The following MBD5 variants were observed in gnomAD, a reference collection of about 807,000 sequenced individuals.
MBD5 encodes the protein methyl-CpG-binding domain protein 5.
A neutral mutation model predicts 117.3 loss-of-function variants in MBD5; 13 were observed. The ratio of observed to expected loss-of-function variants is 0.11; its 90% confidence interval spans 0.07 to 0.18. The LOEUF (loss-of-function observed/expected upper bound fraction) is 0.18, where lower values mean the gene tolerates loss of function less well. MBD5 is among the 10% of genes least tolerant of loss of function. The probability of loss-of-function intolerance (pLI) is 1.00; values close to 1 mark genes in which losing one functional copy is unlikely to be tolerated. For synonymous variants in MBD5, 727 were observed against 766.4 expected (o/e 0.95, Z 0.85); for missense variants, 1,879 against 2,093.8 (o/e 0.90, Z 2.00).
chr2:148,338,297 G>T (rs1260720742), intron 3 of MBD5, among the ~76,000 whole-genome samples: 1 of 151,820 alleles, frequency 6.6e-6, no homozygotes, highest in Non-Finnish European at 1.5e-5. Context: ...TCCAGTCAAG[G>T]TTCATACATT....
rs140079179 is a variant in MBD5, at chr2:148,066,890, G to T, written c.-925+45206G>T. 1.2e-4 allele frequency among the ~76,000 whole-genome samples: 18 copies of T among 152,274 alleles called. No individual in the cohort carries two copies. The East Asian group carries it at 1.7e-3, about 15-fold the overall frequency. ...ACTTAAGACTTGGCCTAGACATCCT[G>T]TCAGAAAGACTTCTTTTCTCATTCT... On this transcript the variant is annotated intron_variant, in intron 1 of 13. Transcript: ENST00000642680.
chr2:148,282,464 T>G (rs1464552906), intron 3 of MBD5, among the ~76,000 whole-genome samples: 1 of 152,022 alleles, frequency 6.6e-6, no homozygotes, highest in Non-Finnish European at 1.5e-5. Context: ...TCATCTGTAT[T>G]TATGACATGT....
At chr2:148,254,417 G>A (rs576819337) in intron 3 of MBD5, among the ~76,000 whole-genome samples, 1 of 152,284 alleles carries the variant, frequency 6.6e-6, no homozygotes, top group South Asian at 2.1e-4. Flanking sequence ...AACCTGAGTG[G>A]TGTGCTGTGC....
chr2:148,134,290 A>G (rs1330680527), intron 1 of MBD5, among the ~76,000 whole-genome samples: 1 of 152,200 alleles, frequency 6.6e-6, no homozygotes, highest in South Asian at 2.1e-4. Flanking sequence ...AAACACCCAT[A>G]TATACATATA....
chr2:148,378,476 A>AT, intron 4 of MBD5, among the ~76,000 whole-genome samples: 2 of 152,012 alleles, frequency 1.3e-5, no homozygotes, highest in Middle Eastern at 6.8e-3. Context: ...GCATGATTAA[A>AT]TTTTTTCCTC....
chr2:148,181,160 T>A (rs1225061595), intron 2 of MBD5, among the ~76,000 whole-genome samples: 1 of 152,210 alleles, frequency 6.6e-6, no homozygotes, highest in Non-Finnish European at 1.5e-5. Flanking sequence ...TCCTTACTAT[T>A]TTATTTCATA....
chr2:148,418,615 C>G (rs1705499752), intron 4 of MBD5, among the ~76,000 whole-genome samples: 1 of 152,032 alleles, frequency 6.6e-6, no homozygotes, highest in Admixed American at 6.6e-5. Context: ...GAATTCAGTC[C>G]CTTTTACAAT....
chr2:148,093,032 C>A (rs1177007391), intron 1 of MBD5, among the ~76,000 whole-genome samples: 1 of 151,754 alleles, frequency 6.6e-6, no homozygotes, highest in Non-Finnish European at 1.5e-5. Flanking sequence ...ATTCTCCTGT[C>A]TCAGCCTCTC....
At chr2:148,024,483 A>G (rs1359836971) in intron 1 of MBD5, among the ~76,000 whole-genome samples, 1 of 152,192 alleles carries the variant, frequency 6.6e-6, no homozygotes, top group Non-Finnish European at 1.5e-5. Flanking sequence ...CTCTTGGCAC[A>G]ATATCTGGTA....
chr2:148,027,053 G>A (rs1693916189), intron 1 of MBD5: 1 of 152,078 alleles, frequency 6.6e-6, no homozygotes, highest in South Asian at 2.1e-4. Context: ...AACAATTTCT[G>A]ATCCAATGAA....
chr2:148,312,442 G>A (rs908328481), intron 3 of MBD5, among the ~76,000 whole-genome samples: 3 of 151,628 alleles, frequency 2.0e-5, no homozygotes, highest in Non-Finnish European at 2.9e-5. Context: ...TGATCGATTC[G>A]GCTATTGATA....
At chr2:148,404,971 T>C (rs2105122433) in intron 4 of MBD5, among the ~76,000 whole-genome samples, 1 of 152,316 alleles carries the variant, frequency 6.6e-6, no homozygotes, top group African/African-American at 2.4e-5. Context: ...ATTCTTGTTG[T>C]TCTGAACATA....
chr2:148,336,243 T>A (rs1183991839), intron 3 of MBD5, among the ~76,000 whole-genome samples: 1 of 152,194 alleles, frequency 6.6e-6, no homozygotes, highest in African/African-American at 2.4e-5. Context: ...AATTGATTGA[T>A]CTCAGTGTCT....
intron 4 of MBD5, among the ~76,000 whole-genome samples, chr2:148,418,543 A>C (rs1705497809): frequency 6.6e-6 from 1 of 152,204 alleles, no homozygotes; most frequent in Non-Finnish European, 1.5e-5. Context: ...TTACAAAATC[A>C]ATATATACAA....
chr2:148,048,566 G>A (rs1694602100), intron 1 of MBD5, among the ~76,000 whole-genome samples: 2 of 152,110 alleles, frequency 1.3e-5, no homozygotes, highest in South Asian at 2.1e-4. Context: ...TCTTCAGGGA[G>A]CACTGACCTG....
chr2:148,507,715 G>A (rs1002564038), intron 12 of MBD5, among the ~76,000 whole-genome samples: 1 of 150,552 alleles, frequency 6.6e-6, no homozygotes, highest in South Asian at 2.1e-4. Context: ...AGCCGAGACT[G>A]CGCCACTGCA....
At chr2:148,467,614 T>C (rs1680592667) in intron 7 of MBD5, among the ~76,000 whole-genome samples, 1 of 152,174 alleles carries the variant, frequency 6.6e-6, no homozygotes, top group African/African-American at 2.4e-5. Context: ...AATGACTAAT[T>C]AAGGGCAAAG....
intron 2 of MBD5, among the ~76,000 whole-genome samples, chr2:148,221,814 C>T (rs968438193): frequency 6.6e-6 from 1 of 152,038 alleles, no homozygotes; most frequent in African/African-American, 2.4e-5. Flanking sequence ...TAGGGTATTA[C>T]TCAATAAATT....
At chr2:148,428,591 A>G (rs533992191) in intron 4 of MBD5, among the ~76,000 whole-genome samples, 1 of 152,308 alleles carries the variant, frequency 6.6e-6, no homozygotes, top group East Asian at 1.9e-4. Flanking sequence ...CTGACTTCAA[A>G]CTATACTACA....
Sources: allele counts gnomAD v4.1 joint callset (sites outside exome capture counted in the v4.1 genomes callset), GRCh38; gene constraint gnomAD v4.1.1; transcripts MANE v1.5; gene names NCBI Gene and HGNC (gene_info 2026-07-23, HGNC 2026-07-21).